The following IGFBP2 variants were observed in gnomAD, a reference collection of about 807,000 sequenced individuals.
The protein encoded by IGFBP2 is insulin like growth factor binding protein 2.
In IGFBP2, 12 loss-of-function variants were observed where a neutral mutation model predicts 26.2. That is an observed-to-expected ratio of 0.46 (90% CI 0.29 to 0.74). The LOEUF is 0.74. Among genes scored for constraint, IGFBP2 ranks in the 30% least tolerant of loss-of-function variants. The pLI is 0.09. For synonymous variants in IGFBP2, 189 were observed against 200.6 expected, an observed-to-expected ratio of 0.94 and a Z score of 0.49; for missense variants, 328 against 441.2, an observed-to-expected ratio of 0.74 and a Z score of 2.30.
At chr2:216,634,140 G>A (rs1240353575) in intron 1 of IGFBP2, among the ~76,000 whole-genome samples, 175 bp downstream of exon 1, 1 of 152,224 alleles carries the variant, frequency 6.6e-6, no homozygotes, top group Middle Eastern at 3.2e-3. Context: ...GGGAACTGGA[G>A]TTAGAGCAAG....
At chr2:216,657,043 G>A (rs1039956828) in intron 1 of IGFBP2, among the ~76,000 whole-genome samples, 4 of 152,206 alleles carry the variant, frequency 2.6e-5, no homozygotes, top group African/African-American at 9.7e-5. Flanking sequence ...CGAACTGGAG[G>A]TTCCCACTTC....
chr2:216,639,922 C>T (rs1013137939), intron 1 of IGFBP2, among the ~76,000 whole-genome samples: 6 of 152,174 alleles, frequency 3.9e-5, no homozygotes, highest in African/African-American at 1.2e-4. Context: ...TGAGTACAGG[C>T]GTGAACCACT....
Position 216,633,671 on chromosome 2 carries a change from C to T in IGFBP2, c.148C>T (p.Leu50=). Residue 50 remains leucine, a synonymous_variant, in exon 1 of 4, where the codon CTG becomes TTG. Coordinates refer to ENST00000233809, the MANE Select transcript of IGFBP2 (RefSeq NM_000597.3). ...CTGCCCGCCCTGCACACCCGAGCGC[C>T]TGGCCGCCTGCGGGCCCCCGCCGGT... The part of the protein sequence containing the change: ...FRCPPCTPER[L]AACGPPPVAP... 9.0e-7 allele frequency: 1 copy of T among 1,117,260 alleles called. No individual in the cohort carries two copies. Among genetic ancestry groups the T allele is most frequent in the Admixed American group, 5.0e-5 (1 of 19,890 alleles). 69.2% of individuals were successfully genotyped at this position (1,117,260 alleles called of 1,614,324 possible).
chr2:216,653,802 C>T (rs1402272926), intron 1 of IGFBP2, among the ~76,000 whole-genome samples: 1 of 152,126 alleles, frequency 6.6e-6, no homozygotes, highest in East Asian at 1.9e-4. Context: ...AAAGCTTGAC[C>T]TTCTATATGT....
intron 1 of IGFBP2, among the ~76,000 whole-genome samples, chr2:216,651,480 G>A (rs186949603): frequency 2.4e-4 from 36 of 152,288 alleles, no homozygotes; most frequent in East Asian, 9.6e-4. Flanking sequence ...TGTCCCTCCC[G>A]CTAAATTCTG....
intron 1 of IGFBP2, among the ~76,000 whole-genome samples, chr2:216,635,543 A>C (rs1449620682): frequency 2.6e-5 from 4 of 152,188 alleles, no homozygotes; most frequent in African/African-American, 9.6e-5. Context: ...CTAAGTTCAT[A>C]GGATGGTTTG....
intron 1 of IGFBP2, among the ~76,000 whole-genome samples, chr2:216,648,024 C>T (rs1697750605): frequency 1.3e-5 from 2 of 152,252 alleles, no homozygotes; most frequent in South Asian, 2.1e-4. Flanking sequence ...CAAAAGGTTT[C>T]TCCTAAGTTA....
chr2:216,654,762 A>T (rs1469675664), intron 1 of IGFBP2, among the ~76,000 whole-genome samples: 6 of 152,214 alleles, frequency 3.9e-5, no homozygotes, highest in Non-Finnish European at 8.8e-5. Flanking sequence ...GGATTTCTTC[A>T]TCTTATTGGC....
chr2:216,644,483 C>T (rs982954168), intron 1 of IGFBP2, among the ~76,000 whole-genome samples: 10 of 152,084 alleles, frequency 6.6e-5, no homozygotes, highest in South Asian at 2.1e-4. Context: ...GACTGAGTCC[C>T]GGAAGGCCTT....
At chr2:216,634,020 C>A in intron 1 of IGFBP2, 55 bp downstream of exon 1, 1 of 1,523,950 alleles carries the variant, frequency 6.6e-7, no homozygotes, top group East Asian at 2.5e-5. Flanking sequence ...GCGGAGAAGC[C>A]CGACGGGCGG....
At chr2:216,650,469 T>C (rs1258602707) in intron 1 of IGFBP2, among the ~76,000 whole-genome samples, 1 of 151,818 alleles carries the variant, frequency 6.6e-6, no homozygotes, top group East Asian at 1.9e-4. Flanking sequence ...GTTTGCAGAG[T>C]GGTTTGACGT....
chr2:216,650,702 C>T lies in IGFBP2; in HGVS notation c.443-9855C>T, dbSNP rs769997149. On this transcript the variant is annotated intron_variant, in intron 1 of 3. Transcript: ENST00000233809. Reference sequence around the variant, plus strand: ...GAAGAGAAAGGCCAGTTCTTGCAGTCGTGTGATCTTATAACCTAGGGGACT... The same window carrying T: ...GAAGAGAAAGGCCAGTTCTTGCAGTTGTGTGATCTTATAACCTAGGGGACT... 3.3e-5 allele frequency among the ~76,000 whole-genome samples: 5 copies of T among 152,120 alleles called. No individual in the cohort carries two copies. In the East Asian group the frequency reaches 7.7e-4, roughly 23 times the overall value.
At chr2:216,651,139 C>T (rs1295840734) in intron 1 of IGFBP2, among the ~76,000 whole-genome samples, 1 of 152,172 alleles carries the variant, frequency 6.6e-6, no homozygotes, top group Non-Finnish European at 1.5e-5. Context: ...GTGTCACTCA[C>T]CCACAAAGTC....
chr2:216,636,831 G>T (rs1302305056), intron 1 of IGFBP2, among the ~76,000 whole-genome samples: 1 of 152,012 alleles, frequency 6.6e-6, no homozygotes, highest in Non-Finnish European at 1.5e-5. Context: ...GGGCGGGGCC[G>T]CCCGAGTGGC....
chr2:216,648,015 A>C (rs1483299785), intron 1 of IGFBP2, among the ~76,000 whole-genome samples: 2 of 152,194 alleles, frequency 1.3e-5, no homozygotes, highest in Non-Finnish European at 2.9e-5. Context: ...CTTCCTTCTC[A>C]AAAGGTTTCT....
At chr2:216,647,755 C>T (rs538987920) in intron 1 of IGFBP2, among the ~76,000 whole-genome samples, 15 of 152,260 alleles carry the variant, frequency 9.9e-5, no homozygotes, top group South Asian at 6.2e-4. Flanking sequence ...TTGCTGACCT[C>T]GTGATCTGCC....
chr2:216,649,113 G>A (rs758197565), intron 1 of IGFBP2, among the ~76,000 whole-genome samples: 1 of 152,108 alleles, frequency 6.6e-6, no homozygotes, highest in Non-Finnish European at 1.5e-5. Flanking sequence ...TGCATATATT[G>A]CATCTATATG....
intron 1 of IGFBP2, among the ~76,000 whole-genome samples, chr2:216,645,519 G>A (rs1039953484): frequency 6.6e-5 from 10 of 152,188 alleles, no homozygotes; most frequent in Admixed American, 3.9e-4. Flanking sequence ...TTTATCAAGT[G>A]TGAGGGGGAT....
chr2:216,662,057 T>C, intron 3 of IGFBP2, 59 bp downstream of exon 3: 1 of 1,585,786 alleles, frequency 6.3e-7, no homozygotes, highest in Non-Finnish European at 8.6e-7. Flanking sequence ...GCCCCAGATG[T>C]GCCTTGTTTC....
Sources: gnomAD v4.1 joint callset for allele counts (sites outside exome capture counted in the v4.1 genomes callset) on GRCh38, gnomAD v4.1.1 for gene constraint, MANE v1.5 for transcripts, NCBI Gene and HGNC (gene_info 2026-07-23, HGNC 2026-07-21) for gene names.